The following RPS6KA2 variants were observed in gnomAD, a reference collection of about 807,000 sequenced individuals.
RPS6KA2 encodes ribosomal protein S6 kinase alpha-2.
RPS6KA2 carries 42 observed loss-of-function variants against 91.8 expected under a neutral mutation model. That is an observed-to-expected ratio of 0.46 (90% CI 0.36 to 0.59). RPS6KA2 has a LOEUF of 0.59. RPS6KA2 is among the 20% of genes least tolerant of loss of function. RPS6KA2 has a pLI of 0.00. For missense variants in RPS6KA2, 798 were observed against 978.5 expected, an observed-to-expected ratio of 0.82 and a Z score of 2.46; for synonymous variants, 414 against 393.6, an observed-to-expected ratio of 1.05 and a Z score of -0.61.
chr6:166,843,342 T>C (rs1025029181), intron 2 of RPS6KA2, among the ~76,000 whole-genome samples: 1 of 152,208 alleles, frequency 6.6e-6, no homozygotes, highest in East Asian at 1.9e-4. Flanking sequence ...TCTACAGCCC[T>C]GACCACCTCT....
intron 2 of RPS6KA2, among the ~76,000 whole-genome samples, chr6:166,663,814 C>A (rs902868676): frequency 2.0e-5 from 3 of 152,216 alleles, no homozygotes; most frequent in Non-Finnish European, 4.4e-5. Flanking sequence ...CCACCTGGAG[C>A]TGACAGTCAA....
rs923435751 is a variant in RPS6KA2, at chr6:166,508,822, G to C, written c.380-540C>G. 6.6e-6 allele frequency among the ~76,000 whole-genome samples: 1 copy of C among 152,198 alleles called. No individual in the cohort carries two copies. The highest frequency in any genetic ancestry group is 2.4e-5 in the African/African-American group (1 of 41,454). On this transcript the variant is annotated intron_variant, in intron 4 of 20. Coordinates refer to ENST00000265678, the MANE Select transcript of RPS6KA2 (RefSeq NM_021135.6). This position sits in a 1 kb window ranked among gnomAD's most constrained non-coding sequence, Gnocchi z 4.3. ...CATCAACAATGGGGCTCACGTCCTA[G>C]GTCTGGTCACTGTGAGCTATAACTG...
rs771777642 is a variant in RPS6KA2, at chr6:166,765,062, G to A, written c.123+93138C>T. Among the ~76,000 whole-genome samples the A allele has an allele frequency of 1.2e-4, 16 of 133,118 alleles. 2 individuals are homozygous for A. The highest frequency in any genetic ancestry group is 2.0e-4 in the African/African-American group (6 of 30,096). The allele number at this position is 133,118 out of a possible 152,430, so 87.3% of individuals were successfully genotyped here. On this transcript the variant is annotated intron_variant, in intron 2 of 21. Coordinates refer to the RPS6KA2 transcript ENST00000503859. Reference sequence around the variant, plus strand: ...TCCAGCCTGGGGCTTTCTCCTCCCTGCCAGCTCCAGGGCAGGTGGCAGGAG... The same window carrying A: ...TCCAGCCTGGGGCTTTCTCCTCCCTACCAGCTCCAGGGCAGGTGGCAGGAG...
At chr6:166,470,265 T>G (rs1417974619) in intron 10 of RPS6KA2, among the ~76,000 whole-genome samples, 1 of 152,184 alleles carries the variant, frequency 6.6e-6, no homozygotes, top group Admixed American at 6.5e-5. Flanking sequence ...GAGCACCAGG[T>G]GGACCTCCCA....
chr6:166,593,524 G>A (rs1785424199), intron 1 of RPS6KA2, among the ~76,000 whole-genome samples: 1 of 152,098 alleles, frequency 6.6e-6, no homozygotes, highest in Non-Finnish European at 1.5e-5. Context: ...TCTCAGAATG[G>A]TATCGATTTT....
intron 11 of RPS6KA2, among the ~76,000 whole-genome samples, chr6:166,463,793 T>C (rs976387704): frequency 6.6e-6 from 1 of 152,110 alleles, no homozygotes; most frequent in South Asian, 2.1e-4. Context: ...AATGCAAAAA[T>C]ATGCAGACCA....
intron 2 of RPS6KA2, among the ~76,000 whole-genome samples, chr6:166,776,309 G>T (rs1778617641): frequency 6.6e-6 from 1 of 152,208 alleles, no homozygotes; most frequent in Admixed American, 6.5e-5. Context: ...CTCCAGAAAT[G>T]AGGAGGACTG....
intron 2 of RPS6KA2, among the ~76,000 whole-genome samples, chr6:166,706,862 T>G (rs1482980854): frequency 6.6e-6 from 1 of 152,200 alleles, no homozygotes; most frequent in Non-Finnish European, 1.5e-5. Context: ...AAGAAGAGTC[T>G]TATTTTGACA....
intron 2 of RPS6KA2, among the ~76,000 whole-genome samples, chr6:166,706,714 A>T (rs557027921): frequency 1.3e-5 from 2 of 152,342 alleles, no homozygotes; most frequent in Admixed American, 1.3e-4. Flanking sequence ...CCCAGGGGGA[A>T]GTAAAGCCCC....
intron 1 of RPS6KA2, among the ~76,000 whole-genome samples, chr6:166,587,799 G>A (rs1159319295): frequency 2.6e-5 from 4 of 152,116 alleles, no homozygotes; most frequent in African/African-American, 9.7e-5. Context: ...CTAGCACAGT[G>A]GGTAGAGTCT....
chr6:166,585,076 C>T (rs1785126128), intron 1 of RPS6KA2, among the ~76,000 whole-genome samples: 1 of 144,870 alleles, frequency 6.9e-6, no homozygotes, highest in South Asian at 2.1e-4. Flanking sequence ...CGTGTGGTGA[C>T]GATGTTGCTA....
intron 2 of RPS6KA2, chr6:166,757,748 A>G: frequency 3.1e-6 from 1 of 323,564 alleles, no homozygotes; most frequent in Admixed American, 4.1e-5. Context: ...AGGCAGCCAC[A>G]GATTCCCAAG....
chr6:166,450,362 A>G lies in RPS6KA2; in HGVS notation c.1206+741T>C, dbSNP rs1779853967. Among the ~76,000 whole-genome samples, 3 of 144,892 alleles carry G rather than the reference A, an allele frequency of 2.1e-5. No homozygotes were observed. The South Asian group carries it at 6.8e-4, about 33-fold the overall frequency. The stretch of plus-strand genomic sequence containing the variant: ...ACCACCATGGGAGGCCACCCTAGGC[A>G]CCAGCATGGGGACCACGACAGGGAC... On this transcript the variant is annotated intron_variant, in intron 13 of 20. Transcript: ENST00000265678.
In RPS6KA2 at chr6:166,648,219, C is replaced by T. The variant is rs546500754; in HGVS notation, c.124-109435G>A. 1.9e-4 allele frequency among the ~76,000 whole-genome samples: 29 copies of T among 151,358 alleles called. No homozygotes were observed. The South Asian group carries it at 5.9e-3, about 31-fold the overall frequency. ...TCATACACACACTCATGCACACACA[C>T]GCACATGCGCACACACACACATTCA... On this transcript the variant is annotated intron_variant, in intron 2 of 21. Transcript: ENST00000503859. The surrounding 1 kb of genome is among the most constrained non-coding windows in gnomAD (Gnocchi z 4.8).
At chr6:166,640,911 G>C (rs1042603851) in intron 2 of RPS6KA2, among the ~76,000 whole-genome samples, 3 of 152,152 alleles carry the variant, frequency 2.0e-5, no homozygotes, top group African/African-American at 7.2e-5. Flanking sequence ...TGCATCTTCA[G>C]GTGGGAGTGT....
intron 2 of RPS6KA2, among the ~76,000 whole-genome samples, chr6:166,710,360 A>T (rs1239529662): frequency 6.6e-6 from 1 of 152,168 alleles, no homozygotes; most frequent in Non-Finnish European, 1.5e-5. Flanking sequence ...TCCTCCCACC[A>T]TAATGTACTT....
intron 2 of RPS6KA2, among the ~76,000 whole-genome samples, chr6:166,753,492 T>C (rs1403083953): frequency 1.3e-5 from 2 of 152,238 alleles, no homozygotes; most frequent in African/African-American, 4.8e-5. Flanking sequence ...TGTTGACCTT[T>C]CTACATGTTC....
At chr6:166,680,455 C>G (rs60808245) in intron 2 of RPS6KA2, among the ~76,000 whole-genome samples, 8,314 of 152,210 alleles carry the variant, frequency 0.055, 658 homozygotes, top group African/African-American at 0.17. Flanking sequence ...TCCCCTTCCA[C>G]GTTGTGGAAG....
chr6:166,830,397 T>G, intron 2 of RPS6KA2, among the ~76,000 whole-genome samples: 1 of 152,094 alleles, frequency 6.6e-6, no homozygotes, highest in East Asian at 1.9e-4. Flanking sequence ...GGCAGAGAGT[T>G]TCAGTGTTGC....
Sources: allele counts gnomAD v4.1 joint callset (sites outside exome capture counted in the v4.1 genomes callset), GRCh38; gene constraint gnomAD v4.1.1; non-coding constraint Gnocchi (gnomAD v3.1); transcripts MANE v1.5; gene names NCBI Gene and HGNC (gene_info 2026-07-23, HGNC 2026-07-21).